ITPR2: variants seen among roughly 807,000 people sequenced by gnomAD.
ITPR2 encodes inositol 1,4,5-trisphosphate-gated calcium channel ITPR2.
ITPR2 carries 207 observed loss-of-function variants against 317.1 expected under a neutral mutation model. The ratio of observed to expected loss-of-function variants is 0.65; its 90% CI spans 0.58 to 0.73. ITPR2 has a LOEUF of 0.73. ITPR2 is among the 30% of genes least tolerant of loss of function. ITPR2 has a pLI of 0.00. For missense variants in ITPR2, 2,613 were observed against 3,284.0 expected (o/e 0.80, Z 4.99); for synonymous variants, 1,156 against 1,149.1 (o/e 1.01, Z -0.12).
chr12:26,739,584 G>A (rs2137079164), intron 2 of ITPR2, among the ~76,000 whole-genome samples: 1 of 152,308 alleles, frequency 6.6e-6, no homozygotes, highest in Non-Finnish European at 1.5e-5. Flanking sequence ...CCATTTATAT[G>A]AATTCTAGAA....
At chr12:26,470,483 TATAAA>T (rs1228424020) in intron 45 of ITPR2, among the ~76,000 whole-genome samples, 1 of 152,156 alleles carries the variant, frequency 6.6e-6, no homozygotes, top group East Asian at 1.9e-4. Context: ...AAATGAACCT[TATAAA>T]ATAAGAGATA....
intron 32 of ITPR2, among the ~76,000 whole-genome samples, chr12:26,592,459 T>C (rs1337867761): frequency 6.6e-6 from 1 of 152,210 alleles, no homozygotes; most frequent in Non-Finnish European, 1.5e-5. Context: ...GTGATGGATA[T>C]CCCATTTACC....
At chr12:26,364,869 G>T (rs1938955948) in intron 55 of ITPR2, among the ~76,000 whole-genome samples, 1 of 152,178 alleles carries the variant, frequency 6.6e-6, no homozygotes, top group South Asian at 2.1e-4. Flanking sequence ...GTCTGTAAAG[G>T]TTAGCACTGG....
At chr12:26,495,491 C>T (rs776593946) in intron 37 of ITPR2, 5 of 434,712 alleles carry the variant, frequency 1.2e-5, no homozygotes, top group Middle Eastern at 6.3e-4. Context: ...TTGGAGGTGA[C>T]GAACAGGTTT....
intron 1 of ITPR2, among the ~76,000 whole-genome samples, chr12:26,818,244 TGC>T (rs1950890669): frequency 6.6e-6 from 1 of 152,256 alleles, no homozygotes; most frequent in Admixed American, 6.5e-5. Flanking sequence ...AAGAAATTAC[TGC>T]CTCTCAGAAC....
intron 45 of ITPR2, among the ~76,000 whole-genome samples, chr12:26,449,950 G>A (rs577711852): frequency 1.3e-4 from 20 of 152,140 alleles, no homozygotes; most frequent in Non-Finnish European, 2.2e-4. Context: ...AGTTAAATGA[G>A]GTCACACTGG....
chr12:26,346,774 A>G (rs1938325527), intron 55 of ITPR2, among the ~76,000 whole-genome samples: 1 of 152,270 alleles, frequency 6.6e-6, no homozygotes, highest in African/African-American at 2.4e-5. Context: ...TTACCAAAAA[A>G]CTAGCTATAA....
chr12:26,350,327 C>T (rs1257805596), intron 55 of ITPR2, among the ~76,000 whole-genome samples: 1 of 152,156 alleles, frequency 6.6e-6, no homozygotes, highest in Non-Finnish European at 1.5e-5. Flanking sequence ...TAGACTGTTT[C>T]CAGACCAGCG....
intron 13 of ITPR2, among the ~76,000 whole-genome samples, chr12:26,676,110 A>G (rs991048002): frequency 7.9e-5 from 12 of 152,144 alleles, no homozygotes; most frequent in Non-Finnish European, 1.6e-4. Flanking sequence ...GTGAGCCAAG[A>G]TCGTGCCACT....
rs1024455138 is a variant in ITPR2 at position 26,337,299 on chromosome 12, T to C, written c.*2098A>G. On this transcript the variant is annotated 3_prime_UTR_variant, in exon 57 of 57. Transcript: ENST00000381340. ...GACAGGTTGCTCAGATGTATACAAA[T>C]GAATTTATTCTCTTGACCTCTAGTT... 1 of 152,212 alleles carries C rather than the reference T, an allele frequency of 6.6e-6. No individual in the cohort carries two copies. Among genetic ancestry groups the C allele is most frequent in the Admixed American group, 6.5e-5 (1 of 15,282 alleles). 9.4% of individuals were successfully genotyped at this position (152,212 alleles called of 1,614,324 possible).
chr12:26,335,713 A>G lies in ITPR2; in HGVS notation c.*3684T>C, dbSNP rs1322653804. 6.6e-6 allele frequency: 1 copy of G among 152,172 alleles called. No individual in the cohort carries two copies. The highest frequency in any genetic ancestry group is 1.5e-5 in the Non-Finnish European group (1 of 68,036). The allele number at this position is 152,172 out of a possible 1,614,324, so 9.4% of individuals were successfully genotyped here. ...CTCTACTGGCCTCAGGCATTTTCTA[A>G]AAACCGGAATTAGCTGTCAAATTTT... is the stretch of plus-strand genomic sequence containing the variant. On this transcript the variant is annotated 3_prime_UTR_variant, in exon 57 of 57. Coordinates refer to ENST00000381340, the MANE Select transcript of ITPR2 (RefSeq NM_002223.4).
At position 26,742,815 on chromosome 12, in the gene ITPR2, G is replaced by GAA. The variant is rs796564571; in HGVS notation, c.164-17052_164-17051dup. Among the ~76,000 whole-genome samples the GAA allele has an allele frequency of 8.5e-4, 115 of 134,680 alleles. 1 individual carries two copies. The highest frequency in any genetic ancestry group is 7.1e-4 in the Non-Finnish European group (44 of 61,888). 88.4% of individuals were successfully genotyped at this position (134,680 alleles called of 152,430 possible). A position where few individuals can be genotyped will look rare whatever the true frequency, so the allele number is the denominator to read the frequency against. ...GTGACAGAACAAGACTCTGTCTTGG[G>GAA]AAAAAAAAAAAAAGGAATGATGTAC... is the stretch of plus-strand genomic sequence containing the variant. On this transcript the variant is annotated intron_variant, in intron 2 of 56. Transcript: ENST00000381340.
chr12:26,814,137 T>C (rs1950806961), intron 1 of ITPR2, among the ~76,000 whole-genome samples: 1 of 152,112 alleles, frequency 6.6e-6, no homozygotes, highest in Non-Finnish European at 1.5e-5. Flanking sequence ...TCAGCTCTGG[T>C]GTAAGAGGAC....
At chr12:26,383,276 C>T (rs1246833325) in intron 55 of ITPR2, among the ~76,000 whole-genome samples, 1 of 152,148 alleles carries the variant, frequency 6.6e-6, no homozygotes, top group African/African-American at 2.4e-5. Flanking sequence ...AACTGTGAGC[C>T]AAATAAACCT....
intron 13 of ITPR2, among the ~76,000 whole-genome samples, chr12:26,676,293 A>G (rs1312545545): frequency 1.3e-5 from 2 of 152,186 alleles, no homozygotes; most frequent in Admixed American, 6.5e-5. Context: ...CCTGGCTAAC[A>G]TGGTGAAACC....
intron 37 of ITPR2, among the ~76,000 whole-genome samples, chr12:26,529,125 A>C (rs1347783149): frequency 6.6e-6 from 1 of 152,200 alleles, no homozygotes; most frequent in African/African-American, 2.4e-5. Context: ...TGCCCTCTTA[A>C]GCGTACTCTA....
intron 26 of ITPR2, among the ~76,000 whole-genome samples, chr12:26,610,781 T>C (rs1409356003): frequency 6.6e-6 from 1 of 152,172 alleles, no homozygotes; most frequent in Non-Finnish European, 1.5e-5. Flanking sequence ...TCATGCCCAG[T>C]GGGTACCTCT....
intron 1 of ITPR2, among the ~76,000 whole-genome samples, chr12:26,804,632 A>G (rs987062949): frequency 2.0e-5 from 3 of 152,190 alleles, no homozygotes; most frequent in Non-Finnish European, 4.4e-5. Context: ...ATTTTTTCCA[A>G]CCCCTGGAGG....
intron 39 of ITPR2, among the ~76,000 whole-genome samples, chr12:26,489,996 C>T (rs1004665959): frequency 4.6e-5 from 7 of 152,144 alleles, no homozygotes; most frequent in Admixed American, 2.0e-4. Flanking sequence ...AACATAGTTG[C>T]CATCTGGGTT....
Sources: allele counts gnomAD v4.1 joint callset (sites outside exome capture counted in the v4.1 genomes callset), GRCh38; gene constraint gnomAD v4.1.1; transcripts MANE v1.5; gene names NCBI Gene and HGNC (gene_info 2026-07-23, HGNC 2026-07-21).